Variants in BAZ2B observed in about 807,000 individuals in gnomAD.
BAZ2B encodes bromodomain adjacent to zinc finger domain protein 2B.
BAZ2B carries 91 observed loss-of-function variants against 246.0 expected under a neutral mutation model. The ratio of observed to expected loss-of-function variants is 0.37; its 90% CI spans 0.31 to 0.44. The LOEUF (loss-of-function observed/expected upper bound fraction) is 0.44, where lower values mean the gene tolerates loss of function less well. Among genes scored for constraint, BAZ2B ranks in the 20% least tolerant of loss-of-function variants. The pLI is 1.00. For missense variants in BAZ2B, 2,332 were observed against 2,533.7 expected (o/e 0.92, Z 1.71); for synonymous variants, 855 against 860.0 (o/e 0.99, Z 0.10).
At chr2:159,377,318 A>G (rs2061505858) in intron 25 of BAZ2B, among the ~76,000 whole-genome samples, 1 of 152,214 alleles carries the variant, frequency 6.6e-6, no homozygotes, top group South Asian at 2.1e-4. Context: ...TTTTACTTAC[A>G]TAGGAAATTG....
chr2:159,386,204 T>A, intron 22 of BAZ2B, 149 bp downstream of exon 22: 1 of 913,354 alleles, frequency 1.1e-6, no homozygotes, highest in Non-Finnish European at 1.6e-6. Context: ...GTATGAAGTG[T>A]AACCTGACAC....
chr2:159,348,321 A>C (rs2058186668), intron 30 of BAZ2B, among the ~76,000 whole-genome samples: 1 of 132,514 alleles, frequency 7.5e-6, no homozygotes, highest in African/African-American at 3.2e-5. Context: ...CTCTCTCACA[A>C]AAAAAAAAAA....
chr2:159,401,119 AT>A (rs942226757), intron 16 of BAZ2B, among the ~76,000 whole-genome samples: 1 of 152,220 alleles, frequency 6.6e-6, no homozygotes, highest in African/African-American at 2.4e-5. Context: ...AACCATATAT[AT>A]TTTCATGTCT....
At chr2:159,615,316 AAGAGGGAAGC>A (rs1364714885) in intron 1 of BAZ2B, 31 of 152,408 alleles carry the variant, frequency 2.0e-4, no homozygotes, top group African/African-American at 7.2e-4. Flanking sequence ...AGAAGATTAA[AAGAGGGAAGC>A]AGAGGAGTTG....
At chr2:159,582,483 C>A (rs772919374) in intron 1 of BAZ2B, among the ~76,000 whole-genome samples, 1 of 152,170 alleles carries the variant, frequency 6.6e-6, no homozygotes, top group Non-Finnish European at 1.5e-5. Context: ...GCAGCTTCAG[C>A]CTCCCAGGTT....
chr2:159,631,384 C>T, the BAZ2B span, among the ~76,000 whole-genome samples: 1 of 152,032 alleles, frequency 6.6e-6, no homozygotes, highest in East Asian at 1.9e-4. Context: ...GAAACAGGGA[C>T]CAGTGTATAG....
chr2:159,462,878 A>T (rs2076584210), intron 3 of BAZ2B: 4 of 1,604,458 alleles, frequency 2.5e-6, no homozygotes. Context: ...CTCTTAAAGC[A>T]CTGTCACAGG....
At chr2:159,412,638 T>C in intron 13 of BAZ2B, 93 bp from the exon 14 acceptor site, 1 of 1,267,302 alleles carries the variant, frequency 7.9e-7, no homozygotes, top group Non-Finnish European at 1.1e-6. Flanking sequence ...AAATCACATA[T>C]ATTTTGGAAT....
At chr2:159,318,193 T>C (rs1035327169), downstream of BAZ2B, among the ~76,000 whole-genome samples, 1 of 152,168 alleles carries the variant, frequency 6.6e-6, no homozygotes, top group Non-Finnish European at 1.5e-5. Context: ...AGAATCCCCA[T>C]GGAGCATCAG....
intron 1 of BAZ2B, among the ~76,000 whole-genome samples, chr2:159,609,618 T>C (rs999944157): frequency 1.3e-5 from 2 of 152,200 alleles, no homozygotes; most frequent in Admixed American, 1.3e-4. Context: ...TAGGTTTGTT[T>C]GGTTGATTCT....
intron 1 of BAZ2B, among the ~76,000 whole-genome samples, chr2:159,604,932 T>TTGTGTGTGTG (rs144735173): frequency 0.017 from 2,081 of 123,320 alleles, 48 homozygotes; most frequent in East Asian, 0.091. Flanking sequence ...TTAATATATT[T>TTGTGTGTGTG]TGTGTGTGTG....
chr2:159,348,384 T>C (rs1218044973), intron 30 of BAZ2B, among the ~76,000 whole-genome samples: 3 of 143,378 alleles, frequency 2.1e-5, no homozygotes, highest in African/African-American at 7.7e-5. Context: ...CATCCTCCCA[T>C]ATGCTTCAAG....
intron 27 of BAZ2B, among the ~76,000 whole-genome samples, chr2:159,367,118 T>C (rs572500096): frequency 6.6e-6 from 1 of 152,318 alleles, no homozygotes; most frequent in Admixed American, 6.5e-5. Flanking sequence ...CTCCCTAGTG[T>C]TGTTCCTAGG....
chr2:159,581,859 G>T (rs1686869955), intron 1 of BAZ2B, among the ~76,000 whole-genome samples: 1 of 144,492 alleles, frequency 6.9e-6, no homozygotes, highest in Admixed American at 7.3e-5. Flanking sequence ...ACTCATAGGT[G>T]CGAATTGAAC....
intron 35 of BAZ2B, among the ~76,000 whole-genome samples, 194 bp from the exon 36 acceptor site, chr2:159,325,148 T>A (rs2159873): frequency 0.19 from 14,146 of 76,198 alleles, 2,255 homozygotes; most frequent in Middle Eastern, 0.29. Flanking sequence ...TATATATATA[T>A]GAGATAGGGT....
chr2:159,682,399 G>T, the BAZ2B span, among the ~76,000 whole-genome samples: 4 of 151,842 alleles, frequency 2.6e-5, no homozygotes, highest in East Asian at 7.7e-4. Flanking sequence ...GGCTGGTCTT[G>T]AACTCCCAGG....
At chr2:159,385,131 G>A (rs374896492) in intron 23 of BAZ2B, 24 bp downstream of exon 23, 30 of 1,567,066 alleles carry the variant, frequency 1.9e-5, no homozygotes, top group African/African-American at 1.8e-4. Context: ...GAAAAATCAC[G>A]GAAAAGCCTG....
intron 27 of BAZ2B, among the ~76,000 whole-genome samples, chr2:159,362,702 T>A (rs1394775439): frequency 6.6e-6 from 1 of 152,204 alleles, no homozygotes; most frequent in Non-Finnish European, 1.5e-5. Context: ...GTAATTCACT[T>A]GGCAGTTAGG....
chr2:159,590,382 G>A (rs1427509023), intron 1 of BAZ2B, among the ~76,000 whole-genome samples: 1 of 151,328 alleles, frequency 6.6e-6, no homozygotes, highest in East Asian at 1.9e-4. Flanking sequence ...CTGAGGTCAA[G>A]AGTTCAAGGC....
Sources: allele counts gnomAD v4.1 joint callset (sites outside exome capture counted in the v4.1 genomes callset), GRCh38; gene constraint gnomAD v4.1.1; transcripts MANE v1.5; gene names NCBI Gene and HGNC (gene_info 2026-07-23, HGNC 2026-07-21).